The following NME7 variants were observed in gnomAD, a reference collection of about 807,000 sequenced individuals.
NME7 encodes NME/NM23 family member 7.
NME7 carries 41 observed loss-of-function variants against 49.1 expected under a neutral mutation model. The ratio of observed to expected loss-of-function variants is 0.83; its 90% CI spans 0.65 to 1.08. The LOEUF is 1.08. Among genes scored for constraint, NME7 ranks in the 50% least tolerant of loss-of-function variants. NME7 has a pLI of 0.00. For synonymous variants in NME7, 139 were observed against 150.6 expected (o/e 0.92, Z 0.56); for missense variants, 423 against 463.4 (o/e 0.91, Z 0.80).
At chr1:169,178,925 A>G (rs1320113794) in intron 10 of NME7, among the ~76,000 whole-genome samples, 2 of 151,430 alleles carry the variant, frequency 1.3e-5, no homozygotes, top group Non-Finnish European at 2.9e-5. Flanking sequence ...GGTTGAAACA[A>G]TTCTCCTGCC....
At chr1:169,165,113 A>G (rs1344687765) in intron 11 of NME7, among the ~76,000 whole-genome samples, 2 of 152,204 alleles carry the variant, frequency 1.3e-5, no homozygotes, top group Non-Finnish European at 2.9e-5. Context: ...ACCATAATTT[A>G]TTCCTATAAT....
At chr1:169,361,837 G>A (rs1476664526) in intron 1 of NME7, among the ~76,000 whole-genome samples, 3 of 151,094 alleles carry the variant, frequency 2.0e-5, no homozygotes, top group East Asian at 1.9e-4. Flanking sequence ...TAGGAGAAAC[G>A]TCATAAAGTT....
intron 10 of NME7, among the ~76,000 whole-genome samples, chr1:169,223,849 T>C (rs718031): frequency 2.6e-5 from 4 of 152,056 alleles, no homozygotes; most frequent in Non-Finnish European, 4.4e-5. Context: ...ATTTATATCT[T>C]TTATTTCTAC....
At position 169,132,622 on chromosome 1, in the gene NME7, C is replaced by G. The variant is rs1658263216; in HGVS notation, c.*163G>C. The G allele has an allele frequency of 2.7e-5, 16 of 598,382 alleles. No homozygotes were observed. The South Asian group carries it at 4.0e-4, about 15-fold the overall frequency. The allele number at this position is 598,382 out of a possible 1,614,324, so 37.1% of individuals were successfully genotyped here. ...TAAATGTTGTCTACAGTGCAAAATC[C>G]ATGTTCTAACATATGTAATAATTGC... is the stretch of plus-strand genomic sequence containing the variant. On this transcript the variant is annotated 3_prime_UTR_variant, in exon 12 of 12. Transcript: ENST00000367811.
intron 4 of NME7, among the ~76,000 whole-genome samples, chr1:169,309,016 T>A (rs560073360): frequency 3.3e-5 from 5 of 152,228 alleles, no homozygotes; most frequent in Non-Finnish European, 7.3e-5. Context: ...ATTTCCTCTA[T>A]TAATTTTATA....
Position 169,350,238 on chromosome 1 carries a change from GA to G in NME7, c.3+17469del, listed in dbSNP as rs1250445505. 1.4e-3 allele frequency among the ~76,000 whole-genome samples: 176 copies of G among 130,064 alleles called. 1 individual carries two copies. The highest frequency in any genetic ancestry group is 4.5e-3 in the African/African-American group (160 of 35,614). 85.3% of individuals were successfully genotyped at this position (130,064 alleles called of 152,430 possible). ...GAAAGGGAGAAAAGAAAGAAAGAAA[GA>G]AAGAAAGAAGGAAGGAAGGAAGGAA... is the stretch of plus-strand genomic sequence containing the variant. On this transcript the variant is annotated intron_variant, in intron 1 of 11. Transcript: ENST00000367811.
intron 4 of NME7, among the ~76,000 whole-genome samples, chr1:169,309,643 C>G (rs541252785): frequency 1.3e-5 from 2 of 152,112 alleles, no homozygotes; most frequent in Non-Finnish European, 2.9e-5. Context: ...TCACCCCTCA[C>G]TAGTTGAGAA....
At chr1:169,141,126 A>G (rs1373820749) in intron 11 of NME7, among the ~76,000 whole-genome samples, 1 of 152,240 alleles carries the variant, frequency 6.6e-6, no homozygotes, top group African/African-American at 2.4e-5. Context: ...GATTTACAAT[A>G]AAGTTTCTGG....
chr1:169,298,783 T>A lies in NME7; in HGVS notation c.441-20A>T, dbSNP rs1650816892. ...AGCTCACTACAAAACAGATAGAAGATTAGTTTGCTTCTTTTTTCTGTCAAC... is the reference window on the plus strand; with the variant it reads ...AGCTCACTACAAAACAGATAGAAGAATAGTTTGCTTCTTTTTTCTGTCAAC... On this transcript the variant is annotated intron_variant, in intron 5 of 11. Coordinates refer to ENST00000367811, the MANE Select transcript of NME7 (RefSeq NM_013330.5). The A allele has an allele frequency of 6.2e-7, 1 of 1,600,226 alleles. No homozygotes were observed. The highest frequency in any genetic ancestry group is 8.5e-7 in the Non-Finnish European group (1 of 1,170,014).
intron 11 of NME7, among the ~76,000 whole-genome samples, chr1:169,149,873 G>A (rs970167458): frequency 6.6e-6 from 1 of 152,180 alleles, no homozygotes; most frequent in African/African-American, 2.4e-5. Context: ...GCAAAACTGT[G>A]GATAAGGGGA....
intron 3 of NME7, among the ~76,000 whole-genome samples, chr1:169,314,432 C>A (rs1003249242): frequency 1.3e-5 from 2 of 151,630 alleles, no homozygotes; most frequent in Non-Finnish European, 2.9e-5. Flanking sequence ...AGTGTAAATA[C>A]TAACTGTATA....
At chr1:169,215,590 A>T (rs543965260) in intron 10 of NME7, among the ~76,000 whole-genome samples, 26 of 151,950 alleles carry the variant, frequency 1.7e-4, no homozygotes, top group African/African-American at 6.0e-4. Flanking sequence ...AAAAAAGGAG[A>T]GGTGACTCAT....
At chr1:169,204,751 A>C (rs370385169) in intron 10 of NME7, among the ~76,000 whole-genome samples, 4 of 152,026 alleles carry the variant, frequency 2.6e-5, no homozygotes, top group African/African-American at 9.7e-5. Context: ...TTCTTACAAC[A>C]GTTTGCAAGC....
At chr1:169,291,498 G>T (rs1020024647) in intron 6 of NME7, among the ~76,000 whole-genome samples, 9 of 152,020 alleles carry the variant, frequency 5.9e-5, no homozygotes, top group African/African-American at 2.2e-4. Flanking sequence ...ACCGTGGCAT[G>T]TTGCGGGGTG....
chr1:169,241,209 C>T (rs1648072530), intron 7 of NME7, among the ~76,000 whole-genome samples: 1 of 152,066 alleles, frequency 6.6e-6, no homozygotes, highest in South Asian at 2.1e-4. Context: ...ATTATTTTTA[C>T]TGCATCTAAG....
chr1:169,367,719 G>T lies in NME7; in HGVS notation c.-9C>A, dbSNP rs1397851846. The T allele has an allele frequency of 6.2e-7, 1 of 1,614,098 alleles. No homozygotes were observed. Among genetic ancestry groups the T allele is most frequent in the East Asian group, 2.2e-5 (1 of 44,876 alleles). On this transcript the variant is annotated 5_prime_UTR_variant, in exon 1 of 12. Coordinates refer to ENST00000367811, the MANE Select transcript of NME7 (RefSeq NM_013330.5). Reference sequence around the variant, plus strand: ...CCCCTGGCACTCACCATTGTCTCAGGATCTCAGCACTAGAAAATAGGTATC... The same window carrying T: ...CCCCTGGCACTCACCATTGTCTCAGTATCTCAGCACTAGAAAATAGGTATC...
At chr1:169,331,160 A>G (rs998250671) in intron 1 of NME7, among the ~76,000 whole-genome samples, 4 of 152,242 alleles carry the variant, frequency 2.6e-5, no homozygotes, top group Non-Finnish European at 5.9e-5. Flanking sequence ...ATGGTTCAAC[A>G]TAAGCAAATC....
intron 10 of NME7, among the ~76,000 whole-genome samples, chr1:169,224,543 T>C (rs1661244066): frequency 6.6e-6 from 1 of 152,142 alleles, no homozygotes; most frequent in Admixed American, 6.5e-5. Context: ...CATTTATACA[T>C]ATATATTTAA....
At chr1:169,352,788 T>G (rs1369767511) in intron 1 of NME7, among the ~76,000 whole-genome samples, 1 of 152,056 alleles carries the variant, frequency 6.6e-6, no homozygotes, top group Non-Finnish European at 1.5e-5. Flanking sequence ...AAAAAAAATT[T>G]TTTAAGTTAT....
Sources: allele counts gnomAD v4.1 joint callset (sites outside exome capture counted in the v4.1 genomes callset), GRCh38; gene constraint gnomAD v4.1.1; transcripts MANE v1.5; gene names NCBI Gene and HGNC (gene_info 2026-07-23, HGNC 2026-07-21).